The following SHB variants were observed in gnomAD, a reference collection of about 807,000 sequenced individuals.
SHB encodes SH2 domain-containing adapter protein B.
A neutral mutation model predicts 52.3 loss-of-function variants in SHB; 20 were observed. The ratio of observed to expected loss-of-function variants is 0.38; its 90% CI spans 0.27 to 0.56. SHB has a LOEUF of 0.56. Among genes scored for constraint, SHB ranks in the 20% least tolerant of loss-of-function variants. The probability of loss-of-function intolerance (pLI) is 0.71; values close to 1 mark genes in which losing one functional copy is unlikely to be tolerated. For missense variants in SHB, 825 were observed against 723.3 expected (o/e 1.14, Z -1.61); for synonymous variants, 397 against 316.5 (o/e 1.25, Z -2.70).
At chr9:38,032,857 G>A (rs557560882) in intron 1 of SHB, among the ~76,000 whole-genome samples, 1 of 152,310 alleles carries the variant, frequency 6.6e-6, no homozygotes, top group African/African-American at 2.4e-5. Context: ...TCTGCACATG[G>A]AAGCATACCC....
chr9:37,940,374 A>C (rs115238563), intron 5 of SHB, among the ~76,000 whole-genome samples: 29 of 152,236 alleles, frequency 1.9e-4, no homozygotes, highest in Non-Finnish European at 4.0e-4. Flanking sequence ...TGCACATTCT[A>C]AAGTTCACTG....
At chr9:37,957,145 C>T (rs1324680095) in intron 3 of SHB, among the ~76,000 whole-genome samples, 1 of 152,166 alleles carries the variant, frequency 6.6e-6, no homozygotes, top group Non-Finnish European at 1.5e-5. Context: ...GCCTAAGAAA[C>T]GAGGCCAGAG....
At chr9:38,051,237 C>T (rs553725914) in intron 1 of SHB, among the ~76,000 whole-genome samples, 15 of 151,962 alleles carry the variant, frequency 9.9e-5, no homozygotes, top group African/African-American at 3.6e-4. Context: ...GTCAGGAGAT[C>T]GCGACCATCC....
intron 1 of SHB, among the ~76,000 whole-genome samples, chr9:38,055,453 A>G (rs1487600270): frequency 6.6e-6 from 1 of 152,170 alleles, no homozygotes; most frequent in Non-Finnish European, 1.5e-5. Context: ...TGGGGTGCAG[A>G]GGAAGAACCT....
At chr9:37,946,242 T>G (rs1393163017) in intron 5 of SHB, among the ~76,000 whole-genome samples, 1 of 152,202 alleles carries the variant, frequency 6.6e-6, no homozygotes, top group Non-Finnish European at 1.5e-5. Flanking sequence ...TGGGACTGCA[T>G]GCCTACGCTG....
chr9:38,023,881 C>T lies in SHB; in HGVS notation c.718-7750G>A, dbSNP rs1436494764. Among the ~76,000 whole-genome samples the T allele has an allele frequency of 2.2e-4, 33 of 152,188 alleles. 1 individual carries two copies. Among genetic ancestry groups the T allele is most frequent in the Admixed American group, 2.0e-3 (31 of 15,282 alleles). On this transcript the variant is annotated intron_variant, in intron 1 of 5. Coordinates refer to ENST00000377707, the MANE Select transcript of SHB (RefSeq NM_003028.3). ...ACACCCATGCAGGTACACACACAAGCGCCCCCTACTCGCCTCTTCCTGTCC... is the reference window on the plus strand; with the variant it reads ...ACACCCATGCAGGTACACACACAAGTGCCCCCTACTCGCCTCTTCCTGTCC...
chr9:37,987,154 C>T (rs2118003874), intron 2 of SHB, among the ~76,000 whole-genome samples: 1 of 152,368 alleles, frequency 6.6e-6, no homozygotes, highest in Non-Finnish European at 1.5e-5. Flanking sequence ...AGGCCCCTCC[C>T]CGCCTGACTG....
intron 1 of SHB, 68 bp downstream of exon 1, chr9:38,067,861 G>A: frequency 7.2e-7 from 1 of 1,386,266 alleles, no homozygotes; most frequent in Non-Finnish European, 9.3e-7. Context: ...CCAGAGCGGC[G>A]GGTGCCTCGG....
chr9:37,978,567 T>A (rs1457619124), intron 2 of SHB, among the ~76,000 whole-genome samples: 1 of 152,236 alleles, frequency 6.6e-6, no homozygotes, highest in East Asian at 1.9e-4. Context: ...ATTGTTTATG[T>A]GTGGGGGGCA....
Position 37,985,204 on chromosome 9 carries a change from T to A in SHB, c.839-10367A>T, listed in dbSNP as rs943310740. ...GCCTGGCTGAACCTGTACTGCCTGA[T>A]CTTTTATGCTCAGCCTGAGGGCAAG... On this transcript the variant is annotated intron_variant, in intron 2 of 5. Transcript: ENST00000377707. 3.9e-5 allele frequency among the ~76,000 whole-genome samples: 6 copies of A among 152,212 alleles called. No individual in the cohort carries two copies. In the East Asian group the frequency reaches 1.2e-3, roughly 29 times the overall value.
At chr9:38,058,634 A>G (rs991317782) in intron 1 of SHB, among the ~76,000 whole-genome samples, 3 of 152,170 alleles carry the variant, frequency 2.0e-5, no homozygotes, top group African/African-American at 7.2e-5. Context: ...ATGCAGGGTT[A>G]GCGAGGAAGG....
At chr9:37,967,438 C>T (rs1820539819) in intron 3 of SHB, among the ~76,000 whole-genome samples, 1 of 152,190 alleles carries the variant, frequency 6.6e-6, no homozygotes, top group African/African-American at 2.4e-5. Flanking sequence ...ACCCCACACG[C>T]TGACAGTGTC....
chr9:37,939,017 C>T (rs1318328625), intron 5 of SHB, among the ~76,000 whole-genome samples: 1 of 152,184 alleles, frequency 6.6e-6, no homozygotes, highest in African/African-American at 2.4e-5. Flanking sequence ...TCCTTGACTC[C>T]TCACTCCTCC....
intron 1 of SHB, among the ~76,000 whole-genome samples, chr9:38,047,701 C>G (rs1325875097): frequency 6.6e-6 from 1 of 152,232 alleles, no homozygotes; most frequent in Non-Finnish European, 1.5e-5. Context: ...GGGAAAATCC[C>G]CCATCTTTAC....
intron 1 of SHB, among the ~76,000 whole-genome samples, chr9:38,066,652 T>C (rs960417199): frequency 6.6e-6 from 1 of 152,138 alleles, no homozygotes; most frequent in African/African-American, 2.4e-5. Context: ...TTCCACGGAC[T>C]GCCCATGCAG....
At chr9:37,957,722 G>A (rs1214008066) in intron 3 of SHB, among the ~76,000 whole-genome samples, 1 of 152,212 alleles carries the variant, frequency 6.6e-6, no homozygotes, top group Non-Finnish European at 1.5e-5. Context: ...TGGAGCGCAG[G>A]GTCCTCGTGA....
At chr9:38,000,472 G>A (rs940669432) in intron 2 of SHB, among the ~76,000 whole-genome samples, 1 of 152,234 alleles carries the variant, frequency 6.6e-6, no homozygotes, top group African/African-American at 2.4e-5. Context: ...TGGATCTTCA[G>A]GGCAGCCTGC....
At chr9:38,003,791 G>A (rs949566074) in intron 2 of SHB, among the ~76,000 whole-genome samples, 8 of 152,188 alleles carry the variant, frequency 5.3e-5, no homozygotes, top group African/African-American at 1.9e-4. Flanking sequence ...GACTCACTCA[G>A]CAGAAACAGT....
At chr9:37,992,880 A>AACAC (rs4008196) in intron 2 of SHB, among the ~76,000 whole-genome samples, 68 of 150,620 alleles carry the variant, frequency 4.5e-4, no homozygotes, top group African/African-American at 1.5e-3. Flanking sequence ...CACACACACA[A>AACAC]ACACACACAC....
Sources: gnomAD v4.1 joint callset for allele counts (sites outside exome capture counted in the v4.1 genomes callset) on GRCh38, gnomAD v4.1.1 for gene constraint, MANE v1.5 for transcripts, NCBI Gene and HGNC (gene_info 2026-07-23, HGNC 2026-07-21) for gene names.